The following DCC variants were observed in gnomAD, a reference collection of about 807,000 sequenced individuals.
The protein encoded by DCC is DCC netrin 1 receptor.
A neutral mutation model predicts 172.5 loss-of-function variants in DCC; 58 were observed. That is an observed-to-expected ratio of 0.34 (90% CI 0.27 to 0.42). The LOEUF (loss-of-function observed/expected upper bound fraction) is 0.42, where lower values mean the gene tolerates loss of function less well. Ranked by LOEUF, DCC falls within the 10% of genes least tolerant of loss-of-function variation. The probability of loss-of-function intolerance (pLI) is 1.00; values close to 1 mark genes in which losing one functional copy is unlikely to be tolerated. For missense variants in DCC, 1,740 were observed against 1,791.0 expected (o/e 0.97, Z 0.51); for synonymous variants, 709 against 644.5 (o/e 1.10, Z -1.52).
At chr18:52,871,480 T>G (rs2039317153) in intron 2 of DCC, among the ~76,000 whole-genome samples, 1 of 152,190 alleles carries the variant, frequency 6.6e-6, no homozygotes, top group African/African-American at 2.4e-5. Context: ...CCTTTAGAGA[T>G]GGAATCTCAC....
At chr18:53,117,141 T>A (rs1298106057) in intron 7 of DCC, among the ~76,000 whole-genome samples, 1 of 151,772 alleles carries the variant, frequency 6.6e-6, no homozygotes, top group African/African-American at 2.4e-5. Context: ...ATTGAAGGCA[T>A]CCATCCTTTA....
intron 1 of DCC, among the ~76,000 whole-genome samples, chr18:52,654,741 T>C (rs2035212565): frequency 6.6e-6 from 1 of 152,136 alleles, no homozygotes; most frequent in Admixed American, 6.6e-5. Context: ...TGGGGGGATA[T>C]ACAACTAAAG....
At chr18:52,523,441 C>A (rs2031883822) in intron 1 of DCC, among the ~76,000 whole-genome samples, 1 of 152,118 alleles carries the variant, frequency 6.6e-6, no homozygotes, top group Admixed American at 6.6e-5. Flanking sequence ...AAGAAATAAA[C>A]AAACTTGTTT....
chr18:52,548,342 A>G (rs573475468), intron 1 of DCC, among the ~76,000 whole-genome samples: 17 of 152,228 alleles, frequency 1.1e-4, no homozygotes, highest in Middle Eastern at 3.4e-3. Context: ...CCCATCATAT[A>G]TATCAGTGCT....
At chr18:53,395,647 T>C (rs539389149) in intron 17 of DCC, among the ~76,000 whole-genome samples, 1 of 152,306 alleles carries the variant, frequency 6.6e-6, no homozygotes, top group African/African-American at 2.4e-5. Context: ...AGGTTTTTCT[T>C]ATTTTTTATT....
intron 21 of DCC, among the ~76,000 whole-genome samples, chr18:53,426,260 AATAC>A (rs907889117): frequency 1.7e-4 from 24 of 144,434 alleles, no homozygotes; most frequent in African/African-American, 6.0e-4. Flanking sequence ...TTTATATATA[AATAC>A]ATATATATTT....
chr18:53,009,500 A>G (rs2041695888), intron 5 of DCC, among the ~76,000 whole-genome samples: 2 of 151,876 alleles, frequency 1.3e-5, no homozygotes, highest in Admixed American at 1.3e-4. Context: ...GGTAAAAACA[A>G]AAAAGAGAGA....
intron 27 of DCC, among the ~76,000 whole-genome samples, chr18:53,502,018 T>TAA: frequency 6.6e-6 from 1 of 152,284 alleles, no homozygotes; most frequent in Admixed American, 6.5e-5. Context: ...TTTCATCAAA[T>TAA]AATAAGCATG....
chr18:53,461,278 T>C (rs11659924), intron 24 of DCC, among the ~76,000 whole-genome samples: 2 of 148,502 alleles, frequency 1.3e-5, no homozygotes, highest in Non-Finnish European at 1.5e-5. Flanking sequence ...AGAAGCTCTT[T>C]AGTTTAATTA....
At chr18:53,479,576 G>C (rs906681322) in intron 25 of DCC, among the ~76,000 whole-genome samples, 1 of 152,146 alleles carries the variant, frequency 6.6e-6, no homozygotes, top group Non-Finnish European at 1.5e-5. Flanking sequence ...GCTTAAAAAG[G>C]TTCCTGTAGA....
intron 1 of DCC, 168 bp from the exon 2 acceptor site, chr18:52,751,886 T>A (rs1449176852): frequency 1.6e-6 from 1 of 621,410 alleles, no homozygotes; most frequent in Non-Finnish European, 2.8e-6. Flanking sequence ...GACTGGGTAC[T>A]TTTTTGCTTA....
chr18:52,689,268 G>C (rs2035891332), intron 1 of DCC, among the ~76,000 whole-genome samples: 1 of 152,118 alleles, frequency 6.6e-6, no homozygotes, highest in South Asian at 2.1e-4. Flanking sequence ...CTAATTTGCT[G>C]TAGAAATTCA....
chr18:52,726,974 A>G (rs575669488), intron 1 of DCC, among the ~76,000 whole-genome samples: 9 of 152,310 alleles, frequency 5.9e-5, no homozygotes, highest in African/African-American at 1.9e-4. Context: ...AATGCTTAAA[A>G]TTTCTCTGGC....
At chr18:53,242,486 A>T (rs1432355207) in intron 12 of DCC, among the ~76,000 whole-genome samples, 1 of 152,150 alleles carries the variant, frequency 6.6e-6, no homozygotes, top group African/African-American at 2.4e-5. Flanking sequence ...ATACAAAATG[A>T]CCTACTCAGT....
intron 3 of DCC, among the ~76,000 whole-genome samples, chr18:52,916,535 A>G (rs1216394672): frequency 1.3e-5 from 2 of 152,188 alleles, no homozygotes; most frequent in African/African-American, 4.8e-5. Context: ...GTCTAATACA[A>G]TGTACCAATC....
chr18:52,877,274 T>G (rs1013040255), intron 2 of DCC, among the ~76,000 whole-genome samples: 3 of 152,160 alleles, frequency 2.0e-5, no homozygotes, highest in Non-Finnish European at 4.4e-5. Flanking sequence ...CGTCCCTTGT[T>G]GTCACAACTG....
At chr18:53,043,216 A>G (rs1208104507) in intron 5 of DCC, among the ~76,000 whole-genome samples, 1 of 151,718 alleles carries the variant, frequency 6.6e-6, no homozygotes, top group African/African-American at 2.4e-5. Context: ...CTAACCCAAG[A>G]ACAGAAAACC....
chr18:52,694,041 A>T (rs1244380901), intron 1 of DCC, among the ~76,000 whole-genome samples: 1 of 152,116 alleles, frequency 6.6e-6, no homozygotes, highest in African/African-American at 2.4e-5. Flanking sequence ...TGGCTTGATC[A>T]GTGATCAAGG....
chr18:53,428,107 A>T (rs189413332), intron 21 of DCC, among the ~76,000 whole-genome samples: 1 of 8,022 alleles, frequency 1.2e-4, no homozygotes, highest in African/African-American at 8.5e-4. Flanking sequence ...ATATAATATA[A>T]TATAATAATA....
Sources: gnomAD v4.1 joint callset for allele counts (sites outside exome capture counted in the v4.1 genomes callset) on GRCh38, gnomAD v4.1.1 for gene constraint, MANE v1.5 for transcripts, NCBI Gene and HGNC (gene_info 2026-07-23, HGNC 2026-07-21) for gene names.